Variants in QRSL1 observed in about 807,000 individuals in gnomAD.
QRSL1 encodes glutamyl-tRNA(Gln) amidotransferase subunit A, mitochondrial.
Under a neutral mutation model 61.6 loss-of-function variants are expected in QRSL1, and 54 were observed. The ratio of observed to expected loss-of-function variants is 0.88; its 90% CI spans 0.70 to 1.10. The LOEUF (loss-of-function observed/expected upper bound fraction) is 1.10, where lower values mean the gene tolerates loss of function less well. Among genes scored for constraint, QRSL1 ranks in the 50% least tolerant of loss-of-function variants. QRSL1 has a pLI of 0.00. For synonymous variants in QRSL1, 228 were observed against 225.7 expected (o/e 1.01, Z -0.09); for missense variants, 505 against 622.6 (o/e 0.81, Z 2.01).
Position 106,649,079 on chromosome 6 carries a change from A to G in QRSL1, c.435A>G (p.Ser145=). 2 of 1,614,162 alleles carry G rather than the reference A, an allele frequency of 1.2e-6. No individual in the cohort carries two copies. The highest frequency in any genetic ancestry group is 8.5e-7 in the Non-Finnish European group (1 of 1,180,012). ...CAGTTAAAAACCCCTGGAGTTATTC[A>G]AAACAATATAGAGAAAAGAGGAAGC... ...FGPVKNPWSY[S]KQYREKRKQN... is the part of the protein sequence containing the mutation. The change falls in exon 5 of 11, where the codon TCA becomes TCG. Residue 145 remains serine (S), a synonymous_variant. Transcript: ENST00000369046.
intron 1 of QRSL1, among the ~76,000 whole-genome samples, chr6:106,634,364 G>A (rs1447278472): frequency 1.3e-5 from 2 of 152,172 alleles, no homozygotes; most frequent in African/African-American, 4.8e-5. Flanking sequence ...AAGTGTAATG[G>A]GAATCTTCTG....
At chr6:106,659,786 T>C (rs1386204710) in intron 9 of QRSL1, among the ~76,000 whole-genome samples, 2 of 152,248 alleles carry the variant, frequency 1.3e-5, no homozygotes, top group Non-Finnish European at 2.9e-5. Flanking sequence ...AATTTTACTT[T>C]ACTTTGAGGT....
intron 7 of QRSL1, chr6:106,653,261 T>C (rs777682304): frequency 6.5e-6 from 1 of 154,144 alleles, no homozygotes; most frequent in Non-Finnish European, 1.4e-5. Flanking sequence ...TGCAGAATAA[T>C]GAAGTTTCAC....
intron 4 of QRSL1, among the ~76,000 whole-genome samples, chr6:106,647,710 G>A (rs1481156057): frequency 7.6e-6 from 1 of 131,350 alleles, no homozygotes; most frequent in Non-Finnish European, 1.6e-5. Context: ...GAGTGCAGTG[G>A]CGCGATCTCG....
intron 3 of QRSL1, 89 bp from the exon 4 acceptor site, chr6:106,642,905 A>G (rs1051620484): frequency 3.1e-6 from 3 of 952,696 alleles, no homozygotes; most frequent in Admixed American, 1.9e-5. Context: ...GTTGGAGCCT[A>G]TTCCCTGTGA....
Position 106,640,887 on chromosome 6 carries a change from C to T in QRSL1, c.249C>T (p.Gly83=), listed in dbSNP as rs566041475. Residue 83 remains glycine (G), a synonymous_variant, in exon 3 of 11, where the codon GGC becomes GGT. Coordinates refer to ENST00000369046, the MANE Select transcript of QRSL1 (RefSeq NM_018292.5). ...TAAAAGACAATTTCAGCACTTCTGG[C>T]ATTGAGACAACATGTGCATCAAATA... is the stretch of plus-strand genomic sequence containing the variant. ...IAVKDNFSTS[G]IETTCASNML... is the part of the protein sequence containing the mutation. The T allele has an allele frequency of 8.1e-6, 13 of 1,613,608 alleles. No individual in the cohort carries two copies. The African/African-American group carries it at 1.7e-4, about 22-fold the overall frequency.
chr6:106,652,215 A>G lies in QRSL1; in HGVS notation c.564A>G (p.Leu188=), dbSNP rs763100032. ...AATTCCATTTAAATTCCAGGGCTTT[A>G]GGATCAGATACAGGAGGATCGACCA... is the stretch of plus-strand genomic sequence containing the variant. ...AVSAFTCYAA[L]GSDTGGSTRN... is the part of the protein sequence containing the mutation. The change falls in exon 6 of 11, where the codon TTA becomes TTG. Residue 188 remains leucine, a synonymous_variant. Transcript: ENST00000369046. 2 of 1,612,304 alleles carry G rather than the reference A, an allele frequency of 1.2e-6. No individual in the cohort carries two copies. Among genetic ancestry groups the G allele is most frequent in the Non-Finnish European group, 8.5e-7 (1 of 1,179,092 alleles).
chr6:106,633,948 T>TAAA, intron 1 of QRSL1, among the ~76,000 whole-genome samples: 1 of 145,206 alleles, frequency 6.9e-6, no homozygotes, highest in Non-Finnish European at 1.5e-5. Context: ...TTAAACACTT[T>TAAA]AAAAAAAAAA....
At chr6:106,644,165 C>T (rs1430830303) in intron 4 of QRSL1, among the ~76,000 whole-genome samples, 1 of 152,166 alleles carries the variant, frequency 6.6e-6, no homozygotes, top group South Asian at 2.1e-4. Flanking sequence ...TGCCACCACG[C>T]CCGGCCTTCT....
rs762755553 is a variant in QRSL1, at chr6:106,649,008, C to G, written c.381-17C>G. 6.3e-7 allele frequency: 1 copy of G among 1,587,766 alleles called. No individual in the cohort carries two copies. On this transcript the variant is annotated splice_polypyrimidine_tract_variant and intron_variant, in intron 4 of 10. Transcript: ENST00000369046. Reference sequence around the variant, plus strand: ...ATGAAAGTTTTACTAAGGTATCTTGCTTCACTTCGTCATCAGATCTGGGAG... The same window carrying G: ...ATGAAAGTTTTACTAAGGTATCTTGGTTCACTTCGTCATCAGATCTGGGAG...
chr6:106,631,309 T>C (rs1362735568), intron 1 of QRSL1, among the ~76,000 whole-genome samples: 3 of 152,178 alleles, frequency 2.0e-5, no homozygotes, highest in Non-Finnish European at 4.4e-5. Flanking sequence ...TATAAAAATA[T>C]GTTATTTCCT....
rs539060457 is a variant in QRSL1, at chr6:106,666,138, C to T, written c.*136C>T. 2.1e-3 allele frequency: 1,437 copies of T among 700,688 alleles called. 5 individuals carry two copies. Among genetic ancestry groups the T allele is most frequent in the Admixed American group, 4.0e-3 (148 of 37,294 alleles). 43.4% of individuals were successfully genotyped at this position (700,688 alleles called of 1,614,324 possible). ...AACAGCCTGGTCAACATGGTGAAAC[C>T]CCGTCTCTACTAAAAATACAAAAAT... On this transcript the variant is annotated 3_prime_UTR_variant, in exon 11 of 11. Transcript: ENST00000369046.
rs1777467583 is a variant in QRSL1, at chr6:106,667,961, AAAAAG to A, written c.*1961_*1965del. Reference sequence around the variant, plus strand: ...CTGTTTTTATGTAATGAATTTAAAAAAAAAGAGAGAGAGAGAGAGATGGGCTCTCC... The same window carrying A: ...CTGTTTTTATGTAATGAATTTAAAAAAGAGAGAGAGAGAGATGGGCTCTCC... On this transcript the variant is annotated 3_prime_UTR_variant, in exon 11 of 11. Transcript: ENST00000369046. 1 of 148,990 alleles carries A rather than the reference AAAAAG, an allele frequency of 6.7e-6. No individual in the cohort carries two copies. The highest frequency in any genetic ancestry group is 2.5e-5 in the African/African-American group (1 of 39,330). The allele number at this position is 148,990 out of a possible 1,614,324, so 9.2% of individuals were successfully genotyped here.
chr6:106,663,233 G>C (rs758290172), intron 10 of QRSL1, 48 bp downstream of exon 10: 4 of 1,565,794 alleles, frequency 2.6e-6, no homozygotes, highest in Non-Finnish European at 3.5e-6. Context: ...TTCTTAGGCA[G>C]GTACCCTGGT....
intron 3 of QRSL1, among the ~76,000 whole-genome samples, chr6:106,642,042 T>G (rs898254330): frequency 1.3e-5 from 2 of 152,184 alleles, no homozygotes; most frequent in Admixed American, 6.5e-5. Context: ...AGACTCTTGA[T>G]TTTTTGTTTT....
rs552770823 is a variant in QRSL1, at chr6:106,665,803, C to G, written c.1388C>G (p.Pro463Arg). 8.7e-6 allele frequency: 14 copies of G among 1,613,934 alleles called. No individual in the cohort carries two copies. ...CCAGGATTGCCAGCAGTGAGTATCC[C>G]TGTTGCACTCTCAAACCAAGGGTTG... The part of the protein sequence containing the change: ...NMAGLPAVSI[P>R]VALSNQGLPI... The change falls in exon 11 of 11, where the codon CCT becomes CGT. Residue 463 changes from proline to arginine, a missense_variant. Coordinates refer to ENST00000369046, the MANE Select transcript of QRSL1 (RefSeq NM_018292.5).
intron 4 of QRSL1, among the ~76,000 whole-genome samples, chr6:106,647,261 G>A (rs773387161): frequency 1.8e-4 from 27 of 151,948 alleles, no homozygotes; most frequent in Non-Finnish European, 3.4e-4. Context: ...GATTTAAGAA[G>A]ACGTTTCATC....
chr6:106,648,955 T>A, intron 4 of QRSL1, 70 bp from the exon 5 acceptor site: 1 of 1,481,036 alleles, frequency 6.8e-7, no homozygotes, highest in Non-Finnish European at 9.1e-7. Flanking sequence ...GCAAATAATA[T>A]ACTCAGAAGA....
chr6:106,655,666 G>A lies in QRSL1; in HGVS notation c.1094G>A (p.Arg365Lys). 6.2e-7 allele frequency: 1 copy of A among 1,613,712 alleles called. No individual in the cohort carries two copies. The highest frequency in any genetic ancestry group is 8.5e-7 in the Non-Finnish European group (1 of 1,179,824). The change falls in exon 9 of 11, where the codon AGA (arginine) becomes AAA (lysine). Residue 365 changes from arginine to lysine, a missense_variant. By Grantham distance (26) the Arg-to-Lys change is conservative. Coordinates refer to ENST00000369046, the MANE Select transcript of QRSL1 (RefSeq NM_018292.5). ...VSTEAMYAATRREGFNDVVRG... is the reference protein window; with the variant it reads ...VSTEAMYAATKREGFNDVVRG... ...ACTGAAGCCATGTATGCTGCAACCA[G>A]ACGAGAAGGGTTTAATGATGTGGTG...
Sources: gnomAD v4.1 joint callset for allele counts (sites outside exome capture counted in the v4.1 genomes callset) on GRCh38, gnomAD v4.1.1 for gene constraint, MANE v1.5 for transcripts, NCBI Gene and HGNC (gene_info 2026-07-23, HGNC 2026-07-21) for gene names.